Variants in RNF126 observed in about 807,000 individuals in gnomAD.
The protein encoded by RNF126 is ring finger protein 126, also known as E3 ubiquitin-protein ligase RNF126.
In RNF126, 20 loss-of-function variants were observed where a neutral mutation model predicts 41.9. That is an observed-to-expected ratio of 0.48 (90% confidence interval 0.34 to 0.69). RNF126 has a LOEUF of 0.69. Among genes scored for constraint, RNF126 ranks in the 30% least tolerant of loss-of-function variants. The probability of loss-of-function intolerance (pLI) is 0.01; values close to 1 mark genes in which losing one functional copy is unlikely to be tolerated. For missense variants in RNF126, 433 were observed against 460.6 expected (o/e 0.94, Z 0.55); for synonymous variants, 239 against 202.9 (o/e 1.18, Z -1.51).
chr19:657,911 G>T (rs1248881845), intron 1 of RNF126, among the ~76,000 whole-genome samples: 1 of 152,140 alleles, frequency 6.6e-6, no homozygotes, highest in Non-Finnish European at 1.5e-5. Flanking sequence ...CAAGGGCACA[G>T]CCAAGAGACC....
rs781698670 is a variant in RNF126, at chr19:651,760, A to G, written c.294T>C (p.Pro98=). ...CCCTGCCGTCGTCAGCCTGCGCCCC[A>G]GGAGGGAACGTGGGGATCTCGAAGC... is the stretch of plus-strand genomic sequence containing the variant. The part of the protein sequence containing the change: ...DDSFEIPTFP[P]GAQADDGRDP... Residue 98 remains proline, a synonymous_variant, in exon 4 of 9, where the codon CCT becomes CCC. Coordinates refer to ENST00000292363, the MANE Select transcript of RNF126 (RefSeq NM_194460.3). 6 of 1,612,452 alleles carry G rather than the reference A, an allele frequency of 3.7e-6. No homozygotes were observed. In the South Asian group the frequency reaches 4.4e-5, roughly 12 times the overall value.
At chr19:657,244 C>T (rs1332185399) in intron 1 of RNF126, among the ~76,000 whole-genome samples, 6 of 152,254 alleles carry the variant, frequency 3.9e-5, no homozygotes, top group East Asian at 1.9e-4. Context: ...GCCCTGCACA[C>T]GCCCACGTGG....
rs185184773 is a variant in RNF126 at position 647,879 on chromosome 19, C to A, written c.*249G>T. 2 of 653,186 alleles carry A rather than the reference C, an allele frequency of 3.1e-6. No individual in the cohort carries two copies. Among genetic ancestry groups the A allele is most frequent in the Non-Finnish European group, 5.5e-6 (2 of 362,768 alleles). 40.5% of individuals were successfully genotyped at this position (653,186 alleles called of 1,614,324 possible). A position where few individuals can be genotyped will look rare whatever the true frequency, so the allele number is the denominator to read the frequency against. ...TTATAAAAATCTTTCCACCGCTGAACGTTTAGAGGGTGAGGTTAGACAGAG... is the reference window on the plus strand; with the variant it reads ...TTATAAAAATCTTTCCACCGCTGAAAGTTTAGAGGGTGAGGTTAGACAGAG... On this transcript the variant is annotated 3_prime_UTR_variant, in exon 9 of 9. Transcript: ENST00000292363.
chr19:647,704 T>TG lies in RNF126; in HGVS notation c.*423_*424insC, dbSNP rs2144751530. The TG allele has an allele frequency of 4.4e-6, 1 of 229,268 alleles. No homozygotes were observed. Among genetic ancestry groups the TG allele is most frequent in the Non-Finnish European group, 8.9e-6 (1 of 112,658 alleles). The allele number at this position is 229,268 out of a possible 1,614,324, so 14.2% of individuals were successfully genotyped here. On this transcript the variant is annotated 3_prime_UTR_variant, in exon 9 of 9. Coordinates refer to ENST00000292363, the MANE Select transcript of RNF126 (RefSeq NM_194460.3). ...GGAGGCTGGGGGCCCACGTGGCCCG[T>TG]CCTGGCGGCACCTGCAGCACTGGGG... is the stretch of plus-strand genomic sequence containing the variant.
intron 1 of RNF126, among the ~76,000 whole-genome samples, chr19:662,748 C>G (rs1409393372): frequency 6.6e-6 from 1 of 152,142 alleles, no homozygotes; most frequent in Non-Finnish European, 1.5e-5. Context: ...CTCGCGGCCT[C>G]TCGGGTCGGG....
intron 1 of RNF126, among the ~76,000 whole-genome samples, chr19:661,897 A>G (rs946199585): frequency 1.3e-5 from 2 of 152,066 alleles, no homozygotes; most frequent in African/African-American, 2.4e-5. Context: ...GCGGCTCCCG[A>G]CTGAGCCGGC....
chr19:651,916 C>T, intron 3 of RNF126, 61 bp from the exon 4 acceptor site: 1 of 1,471,684 alleles, frequency 6.8e-7, no homozygotes, highest in Non-Finnish European at 9.2e-7. Context: ...GCTGGGGGCG[C>T]TAGGGCACAA....
intron 1 of RNF126, among the ~76,000 whole-genome samples, chr19:653,934 G>C (rs1266795297): frequency 2.0e-5 from 3 of 152,204 alleles, no homozygotes; most frequent in Non-Finnish European, 4.4e-5. Flanking sequence ...ATGGGGGAGT[G>C]CTGTGAGGGG....
At chr19:650,346 G>A (rs1012481430) in intron 4 of RNF126, 50 bp from the exon 5 acceptor site, 3 of 1,529,068 alleles carry the variant, frequency 2.0e-6, no homozygotes, top group Non-Finnish European at 1.8e-6. Flanking sequence ...ACGCACAGGA[G>A]AGGCGCCAGG....
chr19:652,510 G>A (rs367593189), intron 2 of RNF126: 66 of 602,530 alleles, frequency 1.1e-4, no homozygotes, highest in Middle Eastern at 4.3e-4. Context: ...GACCCCAACA[G>A]CCTCCTAAGC....
rs772610628 is a variant in RNF126 at position 651,670 on chromosome 19, G to A, written c.384C>T (p.Arg128=). 37 of 1,565,760 alleles carry A rather than the reference G, an allele frequency of 2.4e-5. 1 individual carries two copies. The highest frequency in any genetic ancestry group is 1.3e-4 in the South Asian group (11 of 87,264). The change falls in exon 4 of 9, where the codon CGC becomes CGT. Residue 128 remains arginine (R), a synonymous_variant. Transcript: ENST00000292363. ...TGGCCCGCCGCGTGGTGAGGCGGGC[G>A]CGGGGCTGTCGGGCGCCGTACCGGT... ...SRHRYGARQP[R]ARLTTRRATG...
rs961655537 is a variant in RNF126 at position 647,657 on chromosome 19, G to A, written c.*471C>T. 2.0e-5 allele frequency: 4 copies of A among 198,524 alleles called. No individual in the cohort carries two copies. Among genetic ancestry groups the A allele is most frequent in the South Asian group, 6.6e-5 (1 of 15,156 alleles). 12.3% of individuals were successfully genotyped at this position (198,524 alleles called of 1,614,324 possible). A position where few individuals can be genotyped will look rare whatever the true frequency, so the allele number is the denominator to read the frequency against. On this transcript the variant is annotated 3_prime_UTR_variant, in exon 9 of 9. Coordinates refer to ENST00000292363, the MANE Select transcript of RNF126 (RefSeq NM_194460.3). ...TCATGGTCCCGAGCCCCCCTACTCC[G>A]GGTCGTGGAGGCGGCCGAGGGGGAG...
chr19:651,546 C>T (rs978998041), intron 4 of RNF126, 65 bp downstream of exon 4: 5 of 1,363,718 alleles, frequency 3.7e-6, no homozygotes, highest in Non-Finnish European at 3.8e-6. Context: ...GTGCTGGATT[C>T]TAAGCGCCAG....
Position 651,844 on chromosome 19 carries a change from C to G in RNF126, c.210G>C (p.Gln70His). The part of the protein sequence containing the change: ...QSRPPLEHVD[Q>H]HLFTLPQGYG... ...AGCCCTGCGGCAGCGTGAACAGGTG[C>G]TGGTCCACGTGCTGGGGAGAGGAGG... Residue 70 changes from glutamine (Q) to histidine (H), a missense_variant, in exon 4 of 9, where the codon CAG (glutamine) becomes CAC (histidine). Around this residue, in one of 5 missense-constraint regions of RNF126, gnomAD observed 247 missense variants for 224.7 expected, o/e 1.10. Transcript: ENST00000292363. The G allele has an allele frequency of 6.2e-7, 1 of 1,609,912 alleles. No individual in the cohort carries two copies. Among genetic ancestry groups the G allele is most frequent in the Non-Finnish European group, 8.5e-7 (1 of 1,178,630 alleles).
rs371509659 is a variant in RNF126 at position 648,940 on chromosome 19, C to T, written c.612G>A (p.Pro204=). Residue 204 remains proline, a synonymous_variant, in exon 7 of 9, where the codon CCG becomes CCA. Coordinates refer to ENST00000292363, the MANE Select transcript of RNF126 (RefSeq NM_194460.3). Reference sequence around the variant, plus strand: ...GGGCCTGGATTTTCTCTTTATCTGCCGGTGGGGGGCCTGTGTTTTCAAACT... The same window carrying T: ...GGGCCTGGATTTTCTCTTTATCTGCTGGTGGGGGGCCTGTGTTTTCAAACT... The part of the protein sequence containing the change: ...LNQFENTGPP[P]ADKEKIQALP... 29 of 1,402,020 alleles carry T rather than the reference C, an allele frequency of 2.1e-5. No homozygotes were observed. In the East Asian group the frequency reaches 2.1e-4, roughly 10 times the overall value. 86.8% of individuals were successfully genotyped at this position (1,402,020 alleles called of 1,614,324 possible).
At position 652,766 on chromosome 19, in the gene RNF126, C is replaced by T. The variant is rs541148370; in HGVS notation, c.134+60G>A. The T allele has an allele frequency of 5.7e-5, 86 of 1,510,222 alleles. No individual in the cohort carries two copies. The African/African-American group carries it at 1.1e-3, about 19-fold the overall frequency. 93.6% of individuals were successfully genotyped at this position (1,510,222 alleles called of 1,614,324 possible). ...GGGCGGACGCCAGCACAGCCCACAC[C>T]CCTACAACAGCTGAGGCCCGGCTGG... is the stretch of plus-strand genomic sequence containing the variant. On this transcript the variant is annotated intron_variant, in intron 2 of 8. Transcript: ENST00000292363.
intron 2 of RNF126, chr19:652,557 C>T (rs960696838): frequency 6.5e-5 from 39 of 602,552 alleles, no homozygotes; most frequent in African/African-American, 1.3e-4. Context: ...GCCCCTTCCC[C>T]GGAGGGCCTG....
chr19:655,472 T>G (rs2030521204), intron 1 of RNF126, among the ~76,000 whole-genome samples: 2 of 147,714 alleles, frequency 1.4e-5, no homozygotes. Flanking sequence ...GGCGACAGAG[T>G]GACACTCCAT....
chr19:662,729 C>T (rs967856218), intron 1 of RNF126, among the ~76,000 whole-genome samples: 2 of 152,134 alleles, frequency 1.3e-5, no homozygotes, highest in African/African-American at 4.8e-5. Context: ...AGGGATCCCA[C>T]CTGGGATCCT....
Sources: allele counts gnomAD v4.1 joint callset (sites outside exome capture counted in the v4.1 genomes callset), GRCh38; gene constraint gnomAD v4.1.1; regional missense constraint gnomAD v4.1.1; transcripts MANE v1.5; gene names NCBI Gene and HGNC (gene_info 2026-07-23, HGNC 2026-07-21).